CEP112: variants seen among roughly 807,000 people sequenced by gnomAD.
CEP112 encodes the protein centrosomal protein of 112 kDa.
Under a neutral mutation model 153.0 loss-of-function variants are expected in CEP112, and 127 were observed. The ratio of observed to expected loss-of-function variants is 0.83; its 90% confidence interval spans 0.72 to 0.96. CEP112 has a LOEUF of 0.96. Ranked by LOEUF, CEP112 falls within the 40% of genes least tolerant of loss-of-function variation. CEP112 has a pLI of 0.00. For missense variants in CEP112, 1,089 were observed against 1,101.2 expected, an observed-to-expected ratio of 0.99 and a Z score of 0.16; for synonymous variants, 358 against 374.4, an observed-to-expected ratio of 0.96 and a Z score of 0.51.
At chr17:65,747,250 C>T (rs902409545) in intron 22 of CEP112, among the ~76,000 whole-genome samples, 1 of 152,156 alleles carries the variant, frequency 6.6e-6, no homozygotes, top group Non-Finnish European at 1.5e-5. Context: ...TGACGCTCCT[C>T]ACAAAATAAG....
chr17:65,717,360 G>C (rs2049589821), intron 23 of CEP112, among the ~76,000 whole-genome samples: 1 of 152,124 alleles, frequency 6.6e-6, no homozygotes, highest in Non-Finnish European at 1.5e-5. Flanking sequence ...ACAAAAACAA[G>C]TCAGTCCCAG....
chr17:65,876,110 T>G (rs1213613733), intron 20 of CEP112, among the ~76,000 whole-genome samples: 1 of 152,210 alleles, frequency 6.6e-6, no homozygotes, highest in Admixed American at 6.5e-5. Flanking sequence ...CTGGACTGGA[T>G]GTTCTTTCCA....
intron 9 of CEP112, among the ~76,000 whole-genome samples, chr17:66,067,420 T>C (rs1189685118): frequency 1.3e-5 from 2 of 152,210 alleles, no homozygotes; most frequent in East Asian, 3.8e-4. Context: ...TGAAATTGTA[T>C]GTGTCTAATA....
chr17:65,971,481 A>ATG (rs1555740461), intron 17 of CEP112, among the ~76,000 whole-genome samples: 1 of 130,566 alleles, frequency 7.7e-6, no homozygotes, highest in Non-Finnish European at 1.6e-5. Context: ...TCATGCATGT[A>ATG]TGACATGAAT....
At chr17:66,078,236 CTTTTT>C (rs373372694) in intron 8 of CEP112, among the ~76,000 whole-genome samples, 58,313 of 146,108 alleles carry the variant, frequency 0.4, 13,097 homozygotes, top group East Asian at 0.87. Flanking sequence ...GCTTTTGTAT[CTTTTT>C]TTTTTCTTTT....
At chr17:66,024,634 A>G (rs2065126762) in intron 16 of CEP112, among the ~76,000 whole-genome samples, 1 of 152,178 alleles carries the variant, frequency 6.6e-6, no homozygotes, top group East Asian at 1.9e-4. Context: ...ACACTGTTGA[A>G]AGAAGTTGTA....
chr17:65,834,011 C>A (rs1232122340), intron 21 of CEP112, among the ~76,000 whole-genome samples: 1 of 151,974 alleles, frequency 6.6e-6, no homozygotes, highest in Non-Finnish European at 1.5e-5. Context: ...ACACATAGAC[C>A]AATGAAACAG....
chr17:65,959,015 G>A (rs1333940926), intron 18 of CEP112, among the ~76,000 whole-genome samples: 2 of 152,150 alleles, frequency 1.3e-5, no homozygotes, highest in Admixed American at 1.3e-4. Context: ...CCTAAGAGCT[G>A]CAGATGTCAG....
intron 21 of CEP112, among the ~76,000 whole-genome samples, chr17:65,774,701 C>T (rs543275806): frequency 1.3e-5 from 2 of 152,290 alleles, no homozygotes; most frequent in South Asian, 4.1e-4. Context: ...GATAGAGCCA[C>T]TGGGGCTTAC....
At chr17:65,653,416 T>C (rs1247901074) in intron 24 of CEP112, among the ~76,000 whole-genome samples, 1 of 152,096 alleles carries the variant, frequency 6.6e-6, no homozygotes, top group East Asian at 1.9e-4. Context: ...TAGCAGAATG[T>C]GTTAAGTAAA....
intron 8 of CEP112, among the ~76,000 whole-genome samples, chr17:66,088,610 C>T (rs1233875774): frequency 6.6e-6 from 1 of 152,070 alleles, no homozygotes; most frequent in Non-Finnish European, 1.5e-5. Flanking sequence ...ACCCACCCAA[C>T]CTCCCAGTCA....
Position 65,750,558 on chromosome 17 carries a change from A to C in CEP112, c.2457+104T>G, listed in dbSNP as rs2051763043. ...AATATGATACCATTCCACAAAAAAAAACTGAAAAGAATGAAGTTTAACTTG... is the reference window on the plus strand; with the variant it reads ...AATATGATACCATTCCACAAAAAAACACTGAAAAGAATGAAGTTTAACTTG... On this transcript the variant is annotated intron_variant, in intron 22 of 26. Transcript: ENST00000535342. 6.8e-6 allele frequency: 6 copies of C among 888,662 alleles called. No individual in the cohort carries two copies. The East Asian group carries it at 1.5e-4, about 22-fold the overall frequency. 55.0% of individuals were successfully genotyped at this position (888,662 alleles called of 1,614,324 possible).
At chr17:66,105,241 T>C (rs1046607769) in intron 6 of CEP112, among the ~76,000 whole-genome samples, 3 of 152,096 alleles carry the variant, frequency 2.0e-5, no homozygotes, top group Admixed American at 1.3e-4. Flanking sequence ...TTAAATTACA[T>C]GCACATTTCA....
intron 23 of CEP112, among the ~76,000 whole-genome samples, chr17:65,735,778 A>T (rs1283603404): frequency 6.6e-6 from 1 of 152,220 alleles, no homozygotes. Context: ...GTATCAATAT[A>T]GTAAAAATGG....
chr17:65,759,824 C>T (rs992537039), intron 21 of CEP112, among the ~76,000 whole-genome samples: 2 of 152,140 alleles, frequency 1.3e-5, no homozygotes, highest in African/African-American at 4.8e-5. Flanking sequence ...ATATAAATCT[C>T]ATACATACAG....
At chr17:65,888,328 A>G (rs894438443) in intron 20 of CEP112, among the ~76,000 whole-genome samples, 2 of 152,146 alleles carry the variant, frequency 1.3e-5, no homozygotes, top group African/African-American at 2.4e-5. Context: ...TATCCTACTT[A>G]TCATGCTACA....
intron 16 of CEP112, among the ~76,000 whole-genome samples, chr17:66,012,766 T>C (rs2064590217): frequency 6.6e-6 from 1 of 152,226 alleles, no homozygotes; most frequent in African/African-American, 2.4e-5. Context: ...ATTTAAATGT[T>C]GGTCTCTCTA....
At position 65,927,616 on chromosome 17, in the gene CEP112, T is replaced by C. The variant is rs772581000; in HGVS notation, c.1946A>G (p.Gln649Arg). The C allele has an allele frequency of 4.4e-6, 7 of 1,602,522 alleles. No homozygotes were observed. The highest frequency in any genetic ancestry group is 5.9e-6 in the Non-Finnish European group (7 of 1,176,560). The change falls in exon 19 of 27, where the codon CAA becomes CGA. Residue 649 changes from glutamine (Q) to arginine (R), a missense_variant. Physicochemically the swap from Gln to Arg is conservative, Grantham distance 43. Coordinates refer to ENST00000535342, the MANE Select transcript of CEP112 (RefSeq NM_001199165.4). ...ATACCGCTGTCTGATGTCCTCCAGTTGCCATAAAAACTCCTTTGATTGTTT... is the reference window on the plus strand; with the variant it reads ...ATACCGCTGTCTGATGTCCTCCAGTCGCCATAAAAACTCCTTTGATTGTTT... ...REKQSKEFLW[Q>R]LEDIRQRYEQ...
chr17:65,721,007 C>T lies in CEP112; in HGVS notation c.2607+22061G>A, dbSNP rs555479289. Among the ~76,000 whole-genome samples the T allele has an allele frequency of 8.7e-5, 12 of 138,240 alleles. No individual in the cohort carries two copies. The East Asian group carries it at 2.6e-3, about 30-fold the overall frequency. The allele number at this position is 138,240 out of a possible 152,430, so 90.7% of individuals were successfully genotyped here. A position where few individuals can be genotyped will look rare whatever the true frequency, so the allele number is the denominator to read the frequency against. On this transcript the variant is annotated intron_variant, in intron 23 of 26. Coordinates refer to ENST00000535342, the MANE Select transcript of CEP112 (RefSeq NM_001199165.4). ...TTTTAAGTTTTATCTCTCTCTCTCTCTCTTTTTTTTTTTTTTTTTTTTGAG... is the reference window on the plus strand; with the variant it reads ...TTTTAAGTTTTATCTCTCTCTCTCTTTCTTTTTTTTTTTTTTTTTTTTGAG...
Sources: gnomAD v4.1 joint callset for allele counts (sites outside exome capture counted in the v4.1 genomes callset) on GRCh38, gnomAD v4.1.1 for gene constraint, MANE v1.5 for transcripts, NCBI Gene and HGNC (gene_info 2026-07-23, HGNC 2026-07-21) for gene names.